WDR74: variants seen among roughly 807,000 people sequenced by gnomAD.
WDR74 encodes WD repeat domain 74.
Under a neutral mutation model 45.6 loss-of-function variants are expected in WDR74, and 31 were observed. The observed-to-expected ratio is 0.68, with a 90% CI of 0.51 to 0.92. The LOEUF (loss-of-function observed/expected upper bound fraction) is 0.92. Among genes scored for constraint, WDR74 ranks in the 40% least tolerant of loss-of-function variants. WDR74 has a pLI of 0.00. For synonymous variants in WDR74, 191 were observed against 192.4 expected, an observed-to-expected ratio of 0.99 and a Z score of 0.06; for missense variants, 455 against 497.2, an observed-to-expected ratio of 0.92 and a Z score of 0.81.
intron 8 of WDR74, 115 bp downstream of exon 8, chr11:62,834,161 C>A: frequency 6.5e-7 from 1 of 1,528,402 alleles, no homozygotes; most frequent in South Asian, 1.1e-5. Flanking sequence ...GGATTTAAAC[C>A]CAGGCAATCT....
In WDR74 at chr11:62,839,441, G is replaced by C. The variant is rs781761716; in HGVS notation, c.65-13C>G. 6.2e-7 allele frequency: 1 copy of C among 1,613,518 alleles called. No homozygotes were observed. Among genetic ancestry groups the C allele is most frequent in the South Asian group, 1.1e-5 (1 of 91,082 alleles). The stretch of plus-strand genomic sequence containing the variant: ...TGAAGATTTACCCCTGAGAGACGAA[G>C]GCGTCAGTCACGCCAGGGGCGCGAG... On this transcript the variant is annotated splice_polypyrimidine_tract_variant and intron_variant, in intron 1 of 10. Coordinates refer to ENST00000278856, the MANE Select transcript of WDR74 (RefSeq NM_001369450.1).
At position 62,835,770 on chromosome 11, in the gene WDR74, G is replaced by A. The variant is rs756768067; in HGVS notation, c.441C>T (p.Ala147=). 3.7e-6 allele frequency: 6 copies of A among 1,613,724 alleles called. No individual in the cohort carries two copies. The African/African-American group carries it at 8.0e-5, about 22-fold the overall frequency. Residue 147 remains alanine (A), a synonymous_variant, in exon 5 of 11, where the codon GCC becomes GCT. Transcript: ENST00000278856. Reference sequence around the variant, plus strand: ...TCAAAGCATTCTCTTTCCCACCTGTGGCAACCACATGGGGGTGTGCTGGGT... The same window carrying A: ...TCAAAGCATTCTCTTTCCCACCTGTAGCAACCACATGGGGGTGTGCTGGGT... ...RQDPAHPHVV[A]TGGKENALKI...
At chr11:62,839,971 G>A (rs1276639607), upstream of WDR74, 2 of 170,332 alleles carry the variant, frequency 1.2e-5, no homozygotes, top group Non-Finnish European at 2.5e-5. Context: ...TGGAATATAA[G>A]TCACGAAAGA....
chr11:62,841,405 G>C (rs183548776), upstream of WDR74, among the ~76,000 whole-genome samples: 2 of 151,368 alleles, frequency 1.3e-5, no homozygotes, highest in Non-Finnish European at 3.0e-5. Flanking sequence ...AGAGGCTGAA[G>C]TATGAAGATT....
chr11:62,834,288 C>T lies in WDR74; in HGVS notation c.763G>A (p.Asp255Asn), dbSNP rs2134880531. Residue 255 changes from aspartate (D) to asparagine (N), a missense_variant, in exon 8 of 11, where the codon GAC becomes AAC. Transcript: ENST00000278856. ...CTAGTCCACTCACCTTGCCGAAGGT[C>T]AATTTCTGCCAGCTGCCCATGAGTG... ...GNTHGQLAEI[D>N]LRQGRLLGCL... 1.9e-6 allele frequency: 3 copies of T among 1,613,952 alleles called. No homozygotes were observed. In the East Asian group the frequency reaches 6.7e-5, roughly 36 times the overall value.
chr11:62,841,383 T>G (rs1379427955), upstream of WDR74, among the ~76,000 whole-genome samples: 1 of 151,938 alleles, frequency 6.6e-6, no homozygotes, highest in African/African-American at 2.4e-5. Context: ...GCTCAATAGT[T>G]CCAACTACCC....
chr11:62,838,994 C>T, intron 3 of WDR74, 120 bp downstream of exon 3: 2 of 1,415,148 alleles, frequency 1.4e-6, no homozygotes, highest in East Asian at 2.3e-5. Flanking sequence ...AAACCCAGGT[C>T]CCTGTCACCC....
At chr11:62,841,550 A>ATAAC (rs2085054510), upstream of WDR74, 1 of 151,136 alleles carries the variant, frequency 6.6e-6, no homozygotes, top group African/African-American at 2.4e-5. Flanking sequence ...CAACAAGAAC[A>ATAAC]TAACTATTTA....
intron 3 of WDR74, among the ~76,000 whole-genome samples, chr11:62,837,136 C>A (rs1295108541): frequency 6.6e-6 from 1 of 152,150 alleles, no homozygotes; most frequent in Non-Finnish European, 1.5e-5. Flanking sequence ...GCACATCTCT[C>A]AACCTAGCAC....
At chr11:62,837,202 T>C (rs899936977) in intron 3 of WDR74, among the ~76,000 whole-genome samples, 32 of 152,150 alleles carry the variant, frequency 2.1e-4, no homozygotes, top group Non-Finnish European at 2.1e-4. Context: ...TGTATTAAAA[T>C]GCTTCCTTGG....
intron 3 of WDR74, 37 bp from the exon 4 acceptor site, chr11:62,836,073 C>CTTAA (rs1331552326): frequency 6.5e-7 from 1 of 1,542,544 alleles, no homozygotes; most frequent in Admixed American, 2.0e-5. Context: ...TTTTTAAGTG[C>CTTAA]TTAAACTCCT....
chr11:62,833,176 G>A (rs12146562), intron 10 of WDR74, 45 bp from the exon 11 acceptor site: 99,790 of 1,588,792 alleles, frequency 0.063, 4,212 homozygotes, highest in African/African-American at 0.17. Context: ...GGCCGGGCAC[G>A]GTGGCTCCCA....
At chr11:62,838,602 T>C (rs1565223110) in intron 3 of WDR74, among the ~76,000 whole-genome samples, 1 of 151,482 alleles carries the variant, frequency 6.6e-6, no homozygotes, top group African/African-American at 2.4e-5. Flanking sequence ...CTACTAAAGA[T>C]ACAAAAATAG....
intron 3 of WDR74, chr11:62,836,287 T>G: frequency 2.2e-6 from 1 of 454,546 alleles, no homozygotes; most frequent in Non-Finnish European, 4.0e-6. Flanking sequence ...TTCAACTTTC[T>G]CAACAGGGTG....
intron 3 of WDR74, chr11:62,836,499 T>C (rs979225299): frequency 6.1e-6 from 1 of 165,012 alleles, no homozygotes; most frequent in Admixed American, 5.6e-5. Context: ...TTGGTCAAAG[T>C]CAAACACCAA....
chr11:62,836,351 C>T (rs570764206), intron 3 of WDR74: 1 of 337,008 alleles, frequency 3.0e-6, no homozygotes, highest in African/African-American at 2.1e-5. Context: ...TGCCACTCAG[C>T]TATGTTACAA....
rs926089918 is a variant in WDR74, at chr11:62,836,217, G to C, written c.294-181C>G. The C allele has an allele frequency of 1.8e-5, 11 of 622,976 alleles. No homozygotes were observed. The African/African-American group carries it at 2.0e-4, about 11-fold the overall frequency. The allele number at this position is 622,976 out of a possible 1,614,324, so 38.6% of individuals were successfully genotyped here. A position where few individuals can be genotyped will look rare whatever the true frequency, so the allele number is the denominator to read the frequency against. ...TACTAACAGTCCAGTTTAGAAGGAA[G>C]CCTCTAGGTCACTGGGCTCTAGGCA... On this transcript the variant is annotated intron_variant, in intron 3 of 10. Transcript: ENST00000278856.
chr11:62,837,038 T>C (rs937757926), intron 3 of WDR74, among the ~76,000 whole-genome samples: 1 of 152,154 alleles, frequency 6.6e-6, no homozygotes, highest in African/African-American at 2.4e-5. Context: ...ATCATGCCAC[T>C]GCACTTCAGC....
chr11:62,841,561 G>C (rs185503545), upstream of WDR74: 4 of 152,130 alleles, frequency 2.6e-5, no homozygotes, highest in East Asian at 5.8e-4. Flanking sequence ...TAACTATTTA[G>C]CTTGTACCCT....
Sources: gnomAD v4.1 joint callset for allele counts (sites outside exome capture counted in the v4.1 genomes callset) on GRCh38, gnomAD v4.1.1 for gene constraint, MANE v1.5 for transcripts, NCBI Gene and HGNC (gene_info 2026-07-23, HGNC 2026-07-21) for gene names.